The following MAP7 variants were observed in gnomAD, a reference collection of about 807,000 sequenced individuals.
The protein encoded by MAP7 is ensconsin.
Under a neutral mutation model 94.8 loss-of-function variants are expected in MAP7, and 52 were observed. That is an observed-to-expected ratio of 0.55 (90% CI 0.44 to 0.69). The LOEUF (loss-of-function observed/expected upper bound fraction) is 0.69. Ranked by LOEUF, MAP7 falls within the 30% of genes least tolerant of loss-of-function variation. The probability of loss-of-function intolerance (pLI) is 0.00; values close to 1 mark genes in which losing one functional copy is unlikely to be tolerated. For synonymous variants in MAP7, 350 were observed against 357.0 expected (o/e 0.98, Z 0.22); for missense variants, 940 against 964.6 (o/e 0.97, Z 0.34).
chr6:136,482,175 T>C (rs1813045107), intron 1 of MAP7, among the ~76,000 whole-genome samples: 1 of 152,222 alleles, frequency 6.6e-6, no homozygotes, highest in Non-Finnish European at 1.5e-5. Flanking sequence ...ATATTGCTGG[T>C]GGGCATGTAA....
At chr6:136,387,497 G>A (rs988526994) in intron 5 of MAP7, among the ~76,000 whole-genome samples, 5 of 152,064 alleles carry the variant, frequency 3.3e-5, no homozygotes, top group Non-Finnish European at 5.9e-5. Context: ...ACGTCTATGC[G>A]CTAGGGTATT....
chr6:136,420,402 A>C, intron 2 of MAP7: 1 of 536,898 alleles, frequency 1.9e-6, no homozygotes, highest in South Asian at 2.4e-5. Context: ...AGGGGAACTC[A>C]GCTACCAGGT....
intron 1 of MAP7, among the ~76,000 whole-genome samples, chr6:136,432,322 C>T (rs1168914364): frequency 6.6e-6 from 1 of 152,124 alleles, no homozygotes; most frequent in Non-Finnish European, 1.5e-5. Context: ...CATCATGAAT[C>T]CTATGTAGCC....
intron 1 of MAP7, among the ~76,000 whole-genome samples, chr6:136,533,795 A>G (rs1425157906): frequency 6.6e-6 from 1 of 152,220 alleles, no homozygotes; most frequent in Non-Finnish European, 1.5e-5. Context: ...ACTCATTACC[A>G]TAAGAGGAGT....
chr6:136,489,609 C>A (rs1292820457), intron 1 of MAP7, among the ~76,000 whole-genome samples: 1 of 145,020 alleles, frequency 6.9e-6, no homozygotes, highest in Non-Finnish European at 1.5e-5. Context: ...CTCACTGCAA[C>A]CTTTGCTTCC....
intron 1 of MAP7, among the ~76,000 whole-genome samples, chr6:136,465,536 T>G (rs1340196817): frequency 6.6e-6 from 1 of 152,198 alleles, no homozygotes; most frequent in Non-Finnish European, 1.5e-5. Context: ...GAAAGTCAGT[T>G]AGCCGATTAA....
In MAP7 at chr6:136,360,025, C is replaced by G. The variant is rs1370791479; in HGVS notation, c.1810G>C (p.Glu604Gln). 1 of 1,612,360 alleles carries G rather than the reference C, an allele frequency of 6.2e-7. No individual in the cohort carries two copies. Among genetic ancestry groups the G allele is most frequent in the Non-Finnish European group, 8.5e-7 (1 of 1,179,580 alleles). The change falls in exon 14 of 18, where the codon GAG becomes CAG. Residue 604 changes from glutamate (E) to glutamine (Q), a missense_variant. Coordinates refer to ENST00000354570, the MANE Select transcript of MAP7 (RefSeq NM_003980.6). ...QERLERKKRL[E>Q]EIMKRTRRTE... ...CTCCTGGTTCTTTTCATAATCTCCT[C>G]AAGTCGCTATAGGAAAGGAAGAATT...
chr6:136,438,966 T>C (rs959075449), intron 1 of MAP7, among the ~76,000 whole-genome samples: 7 of 152,320 alleles, frequency 4.6e-5, no homozygotes, highest in Non-Finnish European at 1.0e-4. Flanking sequence ...GGCTACAGAA[T>C]ACAGGTGTTC....
chr6:136,391,621 T>A (rs1325841875), intron 3 of MAP7, among the ~76,000 whole-genome samples: 1 of 151,194 alleles, frequency 6.6e-6, no homozygotes, highest in Non-Finnish European at 1.5e-5. Context: ...AAATGCTTTA[T>A]ATGCATTAAA....
At chr6:136,367,776 C>G (rs917505695) in intron 8 of MAP7, among the ~76,000 whole-genome samples, 2 of 152,156 alleles carry the variant, frequency 1.3e-5, no homozygotes, top group African/African-American at 4.8e-5. Context: ...CTTTGGGTAT[C>G]AAAAGCTGCA....
At chr6:136,384,540 C>T (rs886439225) in intron 5 of MAP7, among the ~76,000 whole-genome samples, 2 of 151,068 alleles carry the variant, frequency 1.3e-5, no homozygotes, top group African/African-American at 4.9e-5. Context: ...GTTGGCCAGG[C>T]TGGCATGATC....
intron 1 of MAP7, among the ~76,000 whole-genome samples, chr6:136,472,909 T>A (rs908971102): frequency 9.9e-5 from 15 of 152,128 alleles, no homozygotes; most frequent in African/African-American, 3.4e-4. Context: ...TCAAATCATA[T>A]CTTCCAAGTG....
Position 136,383,682 on chromosome 6 carries a change from G to A in MAP7, c.626C>T (p.Ser209Phe). Reference protein sequence around the residue: ...LSSSSATLLNSPDRARRLQLS... With the variant: ...LSSSSATLLNFPDRARRLQLS... ...CCTTTGGACTGTACCTCTATCTGGA[G>A]AATTTAGTAAAGTTGCAGATGAAGA... The change falls in exon 6 of 18, where the codon TCT (serine) becomes TTT (phenylalanine). Residue 209 changes from serine (S) to phenylalanine (F), a missense_variant. Physicochemically the swap from Ser to Phe is radical, Grantham distance 155. Coordinates refer to ENST00000354570, the MANE Select transcript of MAP7 (RefSeq NM_003980.6). The A allele has an allele frequency of 1.9e-6, 3 of 1,595,246 alleles. No individual in the cohort carries two copies. Among genetic ancestry groups the A allele is most frequent in the Non-Finnish European group, 2.6e-6 (3 of 1,165,486 alleles).
intron 3 of MAP7, among the ~76,000 whole-genome samples, chr6:136,405,550 C>T (rs6923953): frequency 0.74 from 112,831 of 152,134 alleles, 42,932 homozygotes; most frequent in Middle Eastern, 0.85. Flanking sequence ...AGGACATTAG[C>T]AGGTAGCAGG....
intron 1 of MAP7, among the ~76,000 whole-genome samples, chr6:136,540,943 C>T (rs943204064): frequency 7.2e-5 from 11 of 152,164 alleles, no homozygotes; most frequent in Non-Finnish European, 1.3e-4. Context: ...AGCACATGGG[C>T]GCAATAATCA....
chr6:136,494,066 T>A (rs1301892271), intron 1 of MAP7, among the ~76,000 whole-genome samples: 1 of 152,224 alleles, frequency 6.6e-6, no homozygotes, highest in African/African-American at 2.4e-5. Context: ...GGCTGAAATC[T>A]ATGACATGGA....
At chr6:136,444,824 T>C (rs1246879368) in intron 1 of MAP7, among the ~76,000 whole-genome samples, 2 of 152,226 alleles carry the variant, frequency 1.3e-5, no homozygotes, top group Non-Finnish European at 2.9e-5. Context: ...TTTTTAAAAA[T>C]GTCCCAGGCT....
chr6:136,352,191 T>TA (rs1789432078), intron 16 of MAP7, among the ~76,000 whole-genome samples: 1 of 5,292 alleles, frequency 1.9e-4, no homozygotes, highest in Non-Finnish European at 5.6e-4. Flanking sequence ...GCTATTCGTA[T>TA]TTTTTTTTTT....
In MAP7 at chr6:136,476,106, A is replaced by G. The variant is rs1279649810; in HGVS notation, c.68-54307T>C. ...ATTCAGCATGGATTGTCATCCAATG[A>G]TCTTTGTTATGGTCCAGTCTTTTCT... On this transcript the variant is annotated intron_variant, in intron 1 of 17. Coordinates refer to ENST00000354570, the MANE Select transcript of MAP7 (RefSeq NM_003980.6). 3 of 152,290 alleles carry G rather than the reference A, an allele frequency of 2.0e-5. No individual in the cohort carries two copies. In the East Asian group the frequency reaches 5.8e-4, roughly 29 times the overall value. The allele number at this position is 152,290 out of a possible 1,614,324, so 9.4% of individuals were successfully genotyped here.
Sources: allele counts gnomAD v4.1 joint callset (sites outside exome capture counted in the v4.1 genomes callset), GRCh38; gene constraint gnomAD v4.1.1; transcripts MANE v1.5; gene names NCBI Gene and HGNC (gene_info 2026-07-23, HGNC 2026-07-21).